GPR139: variants seen among roughly 807,000 people sequenced by gnomAD.
The protein encoded by GPR139 is G protein-coupled receptor 139, also known as probable G protein-coupled receptor 139.
A neutral mutation model predicts 25.8 loss-of-function variants in GPR139; 12 were observed. The observed-to-expected ratio is 0.47, with a 90% CI of 0.30 to 0.75. The LOEUF is 0.75. Ranked by LOEUF, GPR139 falls within the 30% of genes least tolerant of loss-of-function variation. The pLI is 0.07. For missense variants in GPR139, 380 were observed against 450.2 expected (o/e 0.84, Z 1.41); for synonymous variants, 184 against 179.9 (o/e 1.02, Z -0.18).
chr16:20,065,475 A>G (rs1044197990), intron 1 of GPR139, among the ~76,000 whole-genome samples: 4 of 152,194 alleles, frequency 2.6e-5, no homozygotes, highest in East Asian at 3.9e-4. Context: ...AGTACTGAAT[A>G]CTGCCCTGTC....
At chr16:20,069,937 G>A (rs190614478) in intron 1 of GPR139, among the ~76,000 whole-genome samples, 7 of 152,220 alleles carry the variant, frequency 4.6e-5, no homozygotes, top group African/African-American at 1.2e-4. Flanking sequence ...AGTGAGAAAC[G>A]TCTTTCTTAC....
At chr16:20,045,379 A>C (rs2057350924) in intron 1 of GPR139, among the ~76,000 whole-genome samples, 1 of 152,106 alleles carries the variant, frequency 6.6e-6, no homozygotes, top group South Asian at 2.1e-4. Flanking sequence ...AGGAACACTG[A>C]GGTTCAGTGA....
At chr16:20,072,196 A>C (rs1245968734) in intron 1 of GPR139, among the ~76,000 whole-genome samples, 1 of 152,128 alleles carries the variant, frequency 6.6e-6, no homozygotes, top group African/African-American at 2.4e-5. Flanking sequence ...ATTAGTTAGG[A>C]ATAAAAGCCT....
At chr16:20,066,263 G>C (rs77439324) in intron 1 of GPR139, among the ~76,000 whole-genome samples, 2,515 of 152,326 alleles carry the variant, frequency 0.017, 42 homozygotes, top group Admixed American at 0.05. Flanking sequence ...TCCACACGGA[G>C]GTTCAGTGGC....
At chr16:20,047,889 A>C (rs1040929178) in intron 1 of GPR139, among the ~76,000 whole-genome samples, 2 of 152,166 alleles carry the variant, frequency 1.3e-5, no homozygotes, top group African/African-American at 2.4e-5. Flanking sequence ...AGCACCTATC[A>C]CAGGTTTTCA....
At position 20,050,484 on chromosome 16, in the gene GPR139, C is replaced by G. The variant is rs529377885; in HGVS notation, c.128-17815G>C. On this transcript the variant is annotated intron_variant, in intron 1 of 1. Transcript: ENST00000570682. ...AAACTGGAGTATTTCATATCCAGTC[C>G]TGGATTTGAGCTTCTTGTGAAAATC... is the stretch of plus-strand genomic sequence containing the variant. Among the ~76,000 whole-genome samples, 285 of 152,236 alleles carry G rather than the reference C, an allele frequency of 1.9e-3. 2 individuals carry two copies. The highest frequency in any genetic ancestry group is 2.3e-3 in the Non-Finnish European group (157 of 68,008).
intron 1 of GPR139, among the ~76,000 whole-genome samples, chr16:20,068,236 C>CAAAAA (rs10534277): frequency 1.2e-3 from 127 of 108,584 alleles, no homozygotes; most frequent in African/African-American, 2.2e-3. Flanking sequence ...CTATTTAATG[C>CAAAAA]AAAAAAAAAA....
At chr16:20,041,120 GGAAAGGAAAGGAGAGGAGAGGAGAGGA>G (rs1567235841) in intron 1 of GPR139, among the ~76,000 whole-genome samples, 1 of 4,006 alleles carries the variant, frequency 2.5e-4, no homozygotes, top group African/African-American at 2.3e-3. Flanking sequence ...AGAAAGGAAA[GGAAAGGAAAGGAGAGGAGAGGAGAGGA>G]GACGAGAGGG....
chr16:20,059,219 G>A (rs968522173), intron 1 of GPR139, among the ~76,000 whole-genome samples: 3 of 152,170 alleles, frequency 2.0e-5, no homozygotes, highest in African/African-American at 7.2e-5. Context: ...AGCAGCCAGA[G>A]AGACTTTTGG....
At chr16:20,040,690 C>T (rs2057326610) in intron 1 of GPR139, among the ~76,000 whole-genome samples, 1 of 152,148 alleles carries the variant, frequency 6.6e-6, no homozygotes, top group African/African-American at 2.4e-5. Context: ...CGTATTCTCA[C>T]TCCCTCTCTC....
At chr16:20,049,508 C>T (rs12931939) in intron 1 of GPR139, among the ~76,000 whole-genome samples, 26,881 of 152,188 alleles carry the variant, frequency 0.18, 2,994 homozygotes, top group East Asian at 0.38. Flanking sequence ...TTCCAAAGCG[C>T]TGTTAAGAAG....
At chr16:20,063,616 A>C (rs1372738685) in intron 1 of GPR139, among the ~76,000 whole-genome samples, 1 of 152,268 alleles carries the variant, frequency 6.6e-6, no homozygotes, top group Non-Finnish European at 1.5e-5. Context: ...ACAGCTGAAA[A>C]GAGATTCAAT....
In GPR139 at chr16:20,073,004, C is replaced by T. The variant is rs1200276965; in HGVS notation, c.127+486G>A. On this transcript the variant is annotated intron_variant, in intron 1 of 1. Coordinates refer to ENST00000570682, the MANE Select transcript of GPR139 (RefSeq NM_001002911.4). This position sits in a 1 kb window ranked among gnomAD's most constrained non-coding sequence, Gnocchi z 4.7. ...AGAGAGTGCTCAATGTCAGGGTCTC[C>T]AGCTTCATCTCGTGTCAGGCGGGGA... 6.6e-6 allele frequency among the ~76,000 whole-genome samples: 1 copy of T among 152,172 alleles called. No homozygotes were observed. Among genetic ancestry groups the T allele is most frequent in the Non-Finnish European group, 1.5e-5 (1 of 68,034 alleles).
intron 1 of GPR139, 133 bp from the exon 2 acceptor site, chr16:20,032,802 C>A: frequency 1.6e-6 from 1 of 626,530 alleles, no homozygotes; most frequent in Non-Finnish European, 2.8e-6. Context: ...TTTTGAGGGA[C>A]AACCTCAGCA....
intron 1 of GPR139, among the ~76,000 whole-genome samples, chr16:20,035,136 T>C (rs2057305411): frequency 6.6e-6 from 1 of 152,222 alleles, no homozygotes; most frequent in Non-Finnish European, 1.5e-5. Context: ...TTGCTCCATA[T>C]CCTCTCAGTA....
chr16:20,064,105 T>A (rs2057423372), intron 1 of GPR139, among the ~76,000 whole-genome samples: 1 of 152,180 alleles, frequency 6.6e-6, no homozygotes, highest in Non-Finnish European at 1.5e-5. Context: ...CAACCCTTAA[T>A]CTAATAATTT....
chr16:20,070,867 G>T, intron 1 of GPR139: 1 of 782,880 alleles, frequency 1.3e-6, no homozygotes, highest in South Asian at 5.8e-5. Context: ...GCTGGGGAAG[G>T]GAGGTGATGG....
At chr16:20,038,557 T>A (rs1249805980) in intron 1 of GPR139, among the ~76,000 whole-genome samples, 1 of 152,150 alleles carries the variant, frequency 6.6e-6, no homozygotes, top group African/African-American at 2.4e-5. Flanking sequence ...TGACATTTCC[T>A]TAAGTTTCTA....
At chr16:20,055,671 C>A (rs974545639) in intron 1 of GPR139, among the ~76,000 whole-genome samples, 1 of 152,224 alleles carries the variant, frequency 6.6e-6, no homozygotes, top group Non-Finnish European at 1.5e-5. Flanking sequence ...GTCTCCACCC[C>A]ACATCTCCAT....
Sources: gnomAD v4.1 joint callset for allele counts (sites outside exome capture counted in the v4.1 genomes callset) on GRCh38, gnomAD v4.1.1 for gene constraint, Gnocchi (gnomAD v3.1) non-coding constraint, MANE v1.5 for transcripts, NCBI Gene and HGNC (gene_info 2026-07-23, HGNC 2026-07-21) for gene names.